Variants in UBL3 observed in about 807,000 individuals in gnomAD.
UBL3 encodes the protein ubiquitin-like protein 3.
A neutral mutation model predicts 18.4 loss-of-function variants in UBL3; 6 were observed. The observed-to-expected ratio is 0.33, with a 90% confidence interval of 0.18 to 0.64. The LOEUF is 0.64. UBL3 is among the 30% of genes least tolerant of loss of function. The probability of loss-of-function intolerance (pLI) is 0.76; values close to 1 mark genes in which losing one functional copy is unlikely to be tolerated. For synonymous variants in UBL3, 49 were observed against 46.6 expected, an observed-to-expected ratio of 1.05 and a Z score of -0.21; for missense variants, 109 against 142.9, an observed-to-expected ratio of 0.76 and a Z score of 1.21.
intron 1 of UBL3, among the ~76,000 whole-genome samples, chr13:29,791,714 C>A (rs1050124366): frequency 3.3e-5 from 5 of 152,148 alleles, no homozygotes; most frequent in African/African-American, 1.2e-4. Context: ...ACCATAGGGT[C>A]CATGCTTGCC....
At chr13:29,790,952 T>C (rs1022153386) in intron 1 of UBL3, among the ~76,000 whole-genome samples, 2 of 152,186 alleles carry the variant, frequency 1.3e-5, no homozygotes, top group East Asian at 3.8e-4. Context: ...CTGTCACCCA[T>C]TTGGAATATT....
intron 1 of UBL3, among the ~76,000 whole-genome samples, chr13:29,787,383 A>G (rs1877350100): frequency 1.3e-5 from 2 of 152,180 alleles, no homozygotes; most frequent in African/African-American, 2.4e-5. Flanking sequence ...TCTTTCCTTT[A>G]GTACTTTAAA....
intron 1 of UBL3, among the ~76,000 whole-genome samples, chr13:29,837,072 G>A (rs190929363): frequency 1.1e-4 from 17 of 152,232 alleles, no homozygotes; most frequent in Middle Eastern, 6.8e-3. Context: ...AGTCACTTAC[G>A]AATCAAAGTA....
intron 1 of UBL3, among the ~76,000 whole-genome samples, chr13:29,783,978 T>G (rs1877242943): frequency 1.3e-5 from 2 of 152,318 alleles, no homozygotes; most frequent in South Asian, 4.1e-4. Context: ...AATTATATAT[T>G]TTTTATATTT....
intron 1 of UBL3, among the ~76,000 whole-genome samples, chr13:29,844,410 T>C (rs971855898): frequency 1.3e-5 from 2 of 152,220 alleles, no homozygotes; most frequent in African/African-American, 4.8e-5. Context: ...ATTATAGTTG[T>C]AGCTTATGCC....
chr13:29,818,394 C>T (rs1213238292), intron 1 of UBL3, among the ~76,000 whole-genome samples: 2 of 152,116 alleles, frequency 1.3e-5, no homozygotes, highest in Non-Finnish European at 2.9e-5. Flanking sequence ...TAATCTTTTA[C>T]AGAGCAAAGG....
chr13:29,793,744 T>G (rs1306000344), intron 1 of UBL3, among the ~76,000 whole-genome samples: 2 of 152,192 alleles, frequency 1.3e-5, no homozygotes, highest in African/African-American at 4.8e-5. Flanking sequence ...ATAAAACGGA[T>G]ACAAAGTCTG....
chr13:29,811,961 T>G (rs1878099563), intron 1 of UBL3, among the ~76,000 whole-genome samples: 1 of 152,000 alleles, frequency 6.6e-6, no homozygotes, highest in Non-Finnish European at 1.5e-5. Context: ...ATTCAAAATT[T>G]TATCCCTTAC....
chr13:29,767,567 A>G, intron 4 of UBL3, 51 bp downstream of exon 4: 1 of 1,583,790 alleles, frequency 6.3e-7, no homozygotes, highest in Non-Finnish European at 8.6e-7. Flanking sequence ...AGCATTTTTG[A>G]ATGCCTGTCT....
At chr13:29,781,324 T>C (rs574852151) in intron 1 of UBL3, among the ~76,000 whole-genome samples, 10 of 152,362 alleles carry the variant, frequency 6.6e-5, no homozygotes, top group Admixed American at 5.2e-4. Flanking sequence ...GTACCAAATA[T>C]AACAGTCCTT....
At chr13:29,828,784 T>C (rs1358749202) in intron 1 of UBL3, among the ~76,000 whole-genome samples, 1 of 152,180 alleles carries the variant, frequency 6.6e-6, no homozygotes, top group Non-Finnish European at 1.5e-5. Flanking sequence ...TTCTGCTCTG[T>C]TTTTTCCCCA....
At chr13:29,792,532 C>T (rs996325686) in intron 1 of UBL3, among the ~76,000 whole-genome samples, 5 of 152,160 alleles carry the variant, frequency 3.3e-5, no homozygotes, top group African/African-American at 4.8e-5. Context: ...ATGAAGAAAA[C>T]GATTGTTTCA....
At chr13:29,795,609 T>C (rs1195503117) in intron 1 of UBL3, among the ~76,000 whole-genome samples, 4 of 151,882 alleles carry the variant, frequency 2.6e-5, no homozygotes, top group Non-Finnish European at 2.9e-5. Context: ...TGTTTATATA[T>C]TGACTTATTT....
intron 1 of UBL3, among the ~76,000 whole-genome samples, chr13:29,825,177 C>T (rs1298924993): frequency 6.6e-6 from 1 of 152,118 alleles, no homozygotes; most frequent in African/African-American, 2.4e-5. Flanking sequence ...TTAGGATTGT[C>T]TTGGCAATGT....
At chr13:29,776,442 T>TAGC (rs1233953359) in intron 2 of UBL3, among the ~76,000 whole-genome samples, 1 of 151,922 alleles carries the variant, frequency 6.6e-6, no homozygotes, top group Admixed American at 6.6e-5. Context: ...TTTAAATTTT[T>TAGC]AGCAGTGATG....
At chr13:29,768,645 T>C (rs749978337) in intron 3 of UBL3, among the ~76,000 whole-genome samples, 2 of 152,064 alleles carry the variant, frequency 1.3e-5, no homozygotes, top group African/African-American at 2.4e-5. Flanking sequence ...TAGTACTATT[T>C]CATATATTCA....
chr13:29,806,210 A>G (rs1396343641), intron 1 of UBL3, among the ~76,000 whole-genome samples: 1 of 152,106 alleles, frequency 6.6e-6, no homozygotes, highest in African/African-American at 2.4e-5. Flanking sequence ...AACCCCACAA[A>G]GTAGTATCTT....
intron 1 of UBL3, 196 bp from the exon 2 acceptor site, chr13:29,777,459 G>C (rs1280230393): frequency 1.7e-6 from 1 of 590,526 alleles, no homozygotes; most frequent in Admixed American, 2.1e-5. Flanking sequence ...TATTTAAAGG[G>C]TGTGTGTGTG....
chr13:29,779,166 T>A (rs1368165272), intron 1 of UBL3: 1 of 478,316 alleles, frequency 2.1e-6, no homozygotes, highest in African/African-American at 2.0e-5. Flanking sequence ...TTATTTCCTA[T>A]AGCAAATCAG....
Sources: allele counts gnomAD v4.1 joint callset (sites outside exome capture counted in the v4.1 genomes callset), GRCh38; gene constraint gnomAD v4.1.1; transcripts MANE v1.5; gene names NCBI Gene and HGNC (gene_info 2026-07-23, HGNC 2026-07-21).